NALF1: variants seen among roughly 807,000 people sequenced by gnomAD.
NALF1 encodes NALCN channel auxiliary factor 1, also known as family with sequence similarity 155 member A.
Under a neutral mutation model 48.4 loss-of-function variants are expected in NALF1, and 3 were observed. The ratio of observed to expected loss-of-function variants is 0.06; its 90% CI spans 0.03 to 0.16. NALF1 has a LOEUF of 0.16. NALF1 is among the 10% of genes least tolerant of loss of function. NALF1 has a pLI of 1.00. For missense variants in NALF1, 526 were observed against 571.5 expected, an observed-to-expected ratio of 0.92 and a Z score of 0.81; for synonymous variants, 262 against 245.7, an observed-to-expected ratio of 1.07 and a Z score of -0.62.
chr13:107,862,611 A>T (rs1880603818), intron 1 of NALF1, among the ~76,000 whole-genome samples: 1 of 151,990 alleles, frequency 6.6e-6, no homozygotes, highest in Admixed American at 6.6e-5. Flanking sequence ...CATTTATCAG[A>T]ATATTTAAAA....
At chr13:107,258,769 G>A (rs1359373) in intron 1 of NALF1, among the ~76,000 whole-genome samples, 39,636 of 151,364 alleles carry the variant, frequency 0.26, 5,727 homozygotes, top group Non-Finnish European at 0.31. Context: ...GCCTACAAAA[G>A]GAAACATGTT....
chr13:107,781,762 C>T (rs1157497253), intron 1 of NALF1, among the ~76,000 whole-genome samples: 1 of 151,816 alleles, frequency 6.6e-6, no homozygotes, highest in Admixed American at 6.6e-5. Flanking sequence ...AAGCTCTATT[C>T]TTTGACGTTA....
In NALF1 at chr13:107,452,603, G is replaced by C. The variant is rs564131352; in HGVS notation, c.916-241848C>G. ...GGATTACAATTCAAGATGAGACTTGGGCGCAGACACAAAGCCTAACCACAT... is the reference window on the plus strand; with the variant it reads ...GGATTACAATTCAAGATGAGACTTGCGCGCAGACACAAAGCCTAACCACAT... On this transcript the variant is annotated intron_variant, in intron 1 of 2. Coordinates refer to ENST00000375915, the MANE Select transcript of NALF1 (RefSeq NM_001080396.3). Among the ~76,000 whole-genome samples the C allele has an allele frequency of 7.2e-5, 11 of 152,158 alleles. No homozygotes were observed. The South Asian group carries it at 2.3e-3, about 32-fold the overall frequency.
intron 1 of NALF1, among the ~76,000 whole-genome samples, chr13:107,278,897 A>G (rs1388816720): frequency 6.6e-6 from 1 of 152,188 alleles, no homozygotes; most frequent in Non-Finnish European, 1.5e-5. Flanking sequence ...TTGCTCTACC[A>G]AATTATCCTT....
At chr13:107,257,793 G>C (rs934818539) in intron 1 of NALF1, among the ~76,000 whole-genome samples, 1 of 152,122 alleles carries the variant, frequency 6.6e-6, no homozygotes, top group Admixed American at 6.5e-5. Context: ...GGAGGTAGGG[G>C]ATGGGGGGTG....
chr13:107,848,589 CAT>C (rs1396752680), intron 1 of NALF1, among the ~76,000 whole-genome samples: 5 of 152,180 alleles, frequency 3.3e-5, no homozygotes, highest in African/African-American at 4.8e-5. Flanking sequence ...AACAGTAACA[CAT>C]ATGAGTATAA....
chr13:107,574,509 A>T (rs1227743418), intron 1 of NALF1, among the ~76,000 whole-genome samples: 1 of 152,254 alleles, frequency 6.6e-6, no homozygotes, highest in African/African-American at 2.4e-5. Flanking sequence ...ATGGTCATTG[A>T]ATCTTTACAA....
intron 1 of NALF1, among the ~76,000 whole-genome samples, chr13:107,426,942 G>C (rs989165613): frequency 4.0e-5 from 6 of 151,776 alleles, no homozygotes; most frequent in Non-Finnish European, 8.8e-5. Flanking sequence ...ATTGTAAAAA[G>C]CAAAAAGCTA....
rs565413251 is a variant in NALF1, at chr13:107,368,786, C to T, written c.916-158031G>A. 2.6e-4 allele frequency among the ~76,000 whole-genome samples: 39 copies of T among 152,320 alleles called. No homozygotes were observed. The East Asian group carries it at 4.2e-3, about 17-fold the overall frequency. On this transcript the variant is annotated intron_variant, in intron 1 of 2. Transcript: ENST00000375915. ...AAAGACCCCTTTTCCAAATAGGCAA[C>T]GCTAACAGGTTCTTGGAATTGGCCT...
chr13:107,336,756 T>G (rs1882565343), intron 1 of NALF1, among the ~76,000 whole-genome samples: 2 of 152,174 alleles, frequency 1.3e-5, no homozygotes, highest in South Asian at 4.1e-4. Flanking sequence ...ATCTACAGTC[T>G]AATTATAAAT....
At chr13:107,816,083 T>C (rs775879836) in intron 1 of NALF1, among the ~76,000 whole-genome samples, 16 of 152,078 alleles carry the variant, frequency 1.1e-4, no homozygotes, top group Non-Finnish European at 1.6e-4. Flanking sequence ...ACTCTGTGAA[T>C]AGAACTGAAC....
chr13:107,565,393 A>AAT (rs1594132447), intron 1 of NALF1, among the ~76,000 whole-genome samples: 2 of 151,192 alleles, frequency 1.3e-5, no homozygotes, highest in East Asian at 1.9e-4. Flanking sequence ...TCAAAAAAAA[A>AAT]AAAAAAAGTA....
intron 1 of NALF1, among the ~76,000 whole-genome samples, chr13:107,597,166 A>G (rs1281290753): frequency 1.3e-5 from 2 of 152,198 alleles, no homozygotes; most frequent in Non-Finnish European, 2.9e-5. Flanking sequence ...GTGAATAAAC[A>G]GATTTTTCAG....
chr13:107,825,520 A>C (rs539384440), intron 1 of NALF1, among the ~76,000 whole-genome samples: 2 of 152,352 alleles, frequency 1.3e-5, no homozygotes, highest in East Asian at 3.9e-4. Context: ...CTTATGCATC[A>C]TGATAGAAAA....
chr13:107,763,636 T>C (rs1877333067), intron 1 of NALF1, among the ~76,000 whole-genome samples: 1 of 152,186 alleles, frequency 6.6e-6, no homozygotes, highest in Non-Finnish European at 1.5e-5. Context: ...AGCACATAGA[T>C]ATTACTAGTA....
At chr13:107,655,775 G>A (rs1383351854) in intron 1 of NALF1, among the ~76,000 whole-genome samples, 1 of 152,020 alleles carries the variant, frequency 6.6e-6, no homozygotes, top group Non-Finnish European at 1.5e-5. Flanking sequence ...TAAGGCCATA[G>A]TCACCAAAAC....
At chr13:107,801,066 C>T (rs768252619) in intron 1 of NALF1, among the ~76,000 whole-genome samples, 11 of 152,084 alleles carry the variant, frequency 7.2e-5, no homozygotes, top group Non-Finnish European at 1.3e-4. Context: ...TTTAAATGTC[C>T]TTAAATAACA....
At chr13:107,373,104 C>T (rs1184560647) in intron 1 of NALF1, among the ~76,000 whole-genome samples, 1 of 152,120 alleles carries the variant, frequency 6.6e-6, no homozygotes, top group East Asian at 1.9e-4. Context: ...AGCAATTATG[C>T]ATCATATAAG....
intron 1 of NALF1, among the ~76,000 whole-genome samples, chr13:107,794,494 T>C (rs187049006): frequency 5.3e-5 from 8 of 150,996 alleles, no homozygotes; most frequent in Admixed American, 5.3e-4. Flanking sequence ...ATTGCAGGAA[T>C]TATAATGCTT....
Sources: gnomAD v4.1 joint callset for allele counts (sites outside exome capture counted in the v4.1 genomes callset) on GRCh38, gnomAD v4.1.1 for gene constraint, MANE v1.5 for transcripts, NCBI Gene and HGNC (gene_info 2026-07-23, HGNC 2026-07-21) for gene names.